AQP9: variants seen among roughly 807,000 people sequenced by gnomAD.
AQP9 encodes aquaporin-9.
In AQP9, 19 loss-of-function variants were observed where a neutral mutation model predicts 23.8. That is an observed-to-expected ratio of 0.80 (90% CI 0.56 to 1.17). AQP9 has a LOEUF of 1.17. AQP9 is among the 50% of genes most tolerant of loss of function. The pLI is 0.00. For synonymous variants in AQP9, 153 were observed against 131.5 expected (o/e 1.16, Z -1.12); for missense variants, 413 against 362.0 (o/e 1.14, Z -1.14).
intron 1 of AQP9, among the ~76,000 whole-genome samples, chr15:58,161,990 C>T (rs1320826325): frequency 6.6e-6 from 1 of 152,098 alleles, no homozygotes; most frequent in African/African-American, 2.4e-5. Flanking sequence ...AAAAAAAGTT[C>T]AACATATTAT....
In AQP9 at chr15:58,166,698, A is replaced by G. The variant is rs761978670; in HGVS notation, c.137A>G (p.Gln46Arg). 1.9e-6 allele frequency: 3 copies of G among 1,611,884 alleles called. No individual in the cohort carries two copies. Among genetic ancestry groups the G allele is most frequent in the Admixed American group, 3.3e-5 (2 of 59,726 alleles). ...LIVLGCGCVA[Q>R]AILSRGRFGG... ...GTCCTTGGATGTGGCTGTGTTGCCC[A>G]AGCTATTCTCAGTCGAGGACGTTTT... Residue 46 changes from glutamine (Q) to arginine (R), a missense_variant, in exon 2 of 6, where the codon CAA becomes CGA. Physicochemically the swap from Gln to Arg is conservative, Grantham distance 43. Coordinates refer to ENST00000219919, the MANE Select transcript of AQP9 (RefSeq NM_020980.5).
At chr15:58,182,366 T>C (rs1273798874) in intron 5 of AQP9, among the ~76,000 whole-genome samples, 1 of 152,154 alleles carries the variant, frequency 6.6e-6, no homozygotes, top group African/African-American at 2.4e-5. Context: ...AGGACTAGGC[T>C]AGGCAGGTAA....
In AQP9 at chr15:58,148,496, C is replaced by T. The variant is rs74528750; in HGVS notation, c.111+9820C>T. Among the ~76,000 whole-genome samples, 10 of 152,272 alleles carry T rather than the reference C, an allele frequency of 6.6e-5. No homozygotes were observed. The East Asian group carries it at 1.7e-3, about 26-fold the overall frequency. On this transcript the variant is annotated intron_variant, in intron 1 of 5. Transcript: ENST00000219919. ...AGAACTCCTCCATATGCAGAGATCTCCCAGGTTGAGAGTGACAAGAGGCGG... is the reference window on the plus strand; with the variant it reads ...AGAACTCCTCCATATGCAGAGATCTTCCAGGTTGAGAGTGACAAGAGGCGG...
At position 58,184,154 on chromosome 15, in the gene AQP9, A is replaced by G. The variant is rs1595750138; in HGVS notation, c.*19A>G. 4 of 1,608,922 alleles carry G rather than the reference A, an allele frequency of 2.5e-6. No homozygotes were observed. In the East Asian group the frequency reaches 6.7e-5, roughly 27 times the overall value. ...CATGTAGTGGCATGCTCAGCTCTGG[A>G]TTTGCAGTCAGTTTGGGATTCTCTT... On this transcript the variant is annotated 3_prime_UTR_variant, in exon 6 of 6. Coordinates refer to ENST00000219919, the MANE Select transcript of AQP9 (RefSeq NM_020980.5).
chr15:58,138,660 G>A lies in AQP9; in HGVS notation c.95G>A (p.Gly32Asp), dbSNP rs1897899958. ...LAKETLSEFLGTFILIVLGCG... is the reference protein window; with the variant it reads ...LAKETLSEFLDTFILIVLGCG... The stretch of plus-strand genomic sequence containing the variant: ...AAAGAAACCCTCTCTGAGTTCTTGG[G>A]CACGTTCATCTTGATTGTAAGTATT... The change falls in exon 1 of 6, where the codon GGC becomes GAC. Residue 32 changes from glycine (G) to aspartate (D), a missense_variant. Transcript: ENST00000219919. The A allele has an allele frequency of 6.2e-7, 1 of 1,613,628 alleles. No individual in the cohort carries two copies. The highest frequency in any genetic ancestry group is 8.5e-7 in the Non-Finnish European group (1 of 1,179,642).
intron 1 of AQP9, among the ~76,000 whole-genome samples, chr15:58,157,528 AC>A (rs1395420668): frequency 7.9e-5 from 12 of 152,270 alleles, no homozygotes; most frequent in African/African-American, 2.9e-4. Context: ...TGCCACAGAA[AC>A]CCATGTGGCT....
At chr15:58,145,253 T>C (rs1595726919) in intron 1 of AQP9, among the ~76,000 whole-genome samples, 1 of 151,280 alleles carries the variant, frequency 6.6e-6, no homozygotes, top group South Asian at 2.1e-4. Flanking sequence ...CTGTAATCCC[T>C]GCACTTTGGG....
intron 1 of AQP9, among the ~76,000 whole-genome samples, chr15:58,161,472 C>T (rs1055071995): frequency 2.0e-5 from 3 of 152,126 alleles, no homozygotes; most frequent in Non-Finnish European, 4.4e-5. Context: ...TATGAAATGG[C>T]CCATCTTCAG....
At position 58,157,458 on chromosome 15, in the gene AQP9, G is replaced by A. The variant is rs1022105833; in HGVS notation, c.112-9215G>A. 2.9e-4 allele frequency among the ~76,000 whole-genome samples: 44 copies of A among 152,298 alleles called. 1 individual carries two copies. Among genetic ancestry groups the A allele is most frequent in the African/African-American group, 1.0e-3 (42 of 41,560 alleles). On this transcript the variant is annotated intron_variant, in intron 1 of 5. Coordinates refer to ENST00000219919, the MANE Select transcript of AQP9 (RefSeq NM_020980.5). ...AGCTAAATAAAATGTAATAAAGGGG[G>A]CAGGTGGGAGTTGGGGGAACTGTTC...
chr15:58,170,719 A>G (rs1202908620), intron 2 of AQP9, among the ~76,000 whole-genome samples: 5 of 152,032 alleles, frequency 3.3e-5, no homozygotes, highest in African/African-American at 7.2e-5. Context: ...TTCAGCTTTT[A>G]TATTGAATAC....
chr15:58,138,443 T>G lies in AQP9; in HGVS notation c.-123T>G. ...ACGGCATTTGTACAGTCAGAGACTC[T>G]TACCAGACATCTCCAGGAATCTGTG... On this transcript the variant is annotated 5_prime_UTR_variant, in exon 1 of 6. Transcript: ENST00000219919. 1 of 708,144 alleles carries G rather than the reference T, an allele frequency of 1.4e-6. No individual in the cohort carries two copies. Among genetic ancestry groups the G allele is most frequent in the Non-Finnish European group, 2.4e-6 (1 of 417,630 alleles). The allele number at this position is 708,144 out of a possible 1,614,324, so 43.9% of individuals were successfully genotyped here.
intron 1 of AQP9, among the ~76,000 whole-genome samples, chr15:58,154,658 A>G (rs1231666401): frequency 1.3e-5 from 2 of 152,098 alleles, no homozygotes; most frequent in Non-Finnish European, 2.9e-5. Flanking sequence ...TCAAATGTCA[A>G]TACTTGACCC....
chr15:58,175,101 T>C (rs1382836944), intron 4 of AQP9, 65 bp downstream of exon 4: 2 of 1,389,958 alleles, frequency 1.4e-6, no homozygotes, highest in Non-Finnish European at 2.0e-6. Flanking sequence ...GGGGAATGCA[T>C]TGGAGAATTA....
intron 1 of AQP9, among the ~76,000 whole-genome samples, chr15:58,144,333 T>C (rs1295807685): frequency 6.6e-6 from 1 of 152,220 alleles, no homozygotes; most frequent in Non-Finnish European, 1.5e-5. Flanking sequence ...CTATTATCTA[T>C]GTCTGCAAGG....
chr15:58,147,241 G>A (rs138677721), intron 1 of AQP9, among the ~76,000 whole-genome samples: 262 of 151,794 alleles, frequency 1.7e-3, no homozygotes, highest in African/African-American at 5.7e-3. Context: ...AGTGGGTTTC[G>A]TCAGTTTTTC....
intron 1 of AQP9, among the ~76,000 whole-genome samples, chr15:58,140,275 G>C (rs1007255501): frequency 2.9e-4 from 43 of 149,868 alleles, no homozygotes; most frequent in African/African-American, 1.0e-3. Flanking sequence ...ATAATCCCGT[G>C]CTTTCTGTGT....
intron 1 of AQP9, among the ~76,000 whole-genome samples, chr15:58,159,692 C>T (rs1898334765): frequency 6.6e-6 from 1 of 152,216 alleles, no homozygotes; most frequent in Admixed American, 6.5e-5. Context: ...AGTAACTACC[C>T]ATCTACTCTC....
intron 4 of AQP9, among the ~76,000 whole-genome samples, chr15:58,176,548 T>C (rs529913956): frequency 1.3e-5 from 2 of 150,926 alleles, no homozygotes; most frequent in African/African-American, 2.4e-5. Context: ...CATATTATAA[T>C]AGAAATTTGA....
intron 1 of AQP9, among the ~76,000 whole-genome samples, chr15:58,156,991 A>G (rs1295161972): frequency 2.0e-5 from 3 of 152,222 alleles, no homozygotes; most frequent in Non-Finnish European, 2.9e-5. Flanking sequence ...AGGGGATTAA[A>G]TGAGAATATA....
Sources: allele counts gnomAD v4.1 joint callset (sites outside exome capture counted in the v4.1 genomes callset), GRCh38; gene constraint gnomAD v4.1.1; transcripts MANE v1.5; gene names NCBI Gene and HGNC (gene_info 2026-07-23, HGNC 2026-07-21).